The following SHISA6 variants were observed in gnomAD, a reference collection of about 807,000 sequenced individuals.
SHISA6 encodes protein shisa-6.
SHISA6 carries 22 observed loss-of-function variants against 47.9 expected under a neutral mutation model. The observed-to-expected ratio is 0.46, with a 90% CI of 0.33 to 0.66. The LOEUF (loss-of-function observed/expected upper bound fraction) is 0.66. SHISA6 is among the 30% of genes least tolerant of loss of function. The pLI, the probability that SHISA6 is intolerant of heterozygous loss-of-function variation, is 0.02. For synonymous variants in SHISA6, 388 were observed against 337.8 expected (o/e 1.15, Z -1.63); for missense variants, 680 against 764.6 (o/e 0.89, Z 1.30).
intron 3 of SHISA6, among the ~76,000 whole-genome samples, chr17:11,490,954 C>A (rs1916459768): frequency 6.6e-6 from 1 of 152,182 alleles, no homozygotes; most frequent in South Asian, 2.1e-4. Flanking sequence ...ACAGGGCAAG[C>A]ACAGATCTAG....
At chr17:11,439,497 G>C (rs1322057246) in intron 3 of SHISA6, among the ~76,000 whole-genome samples, 1 of 152,052 alleles carries the variant, frequency 6.6e-6, no homozygotes, top group Non-Finnish European at 1.5e-5. Context: ...TAGACTTCTG[G>C]GGGAAAAATG....
At chr17:11,277,268 TCTCTCTCTCTCTCACACACACACACA>T (rs1480579920) in intron 2 of SHISA6, among the ~76,000 whole-genome samples, 4 of 110,920 alleles carry the variant, frequency 3.6e-5, no homozygotes, top group African/African-American at 1.4e-4. Context: ...TCTCTCTCTC[TCTCTCTCTCTCTCACACACACACACA>T]CACACACACA....
At chr17:11,434,743 C>T (rs1597511564) in intron 3 of SHISA6, among the ~76,000 whole-genome samples, 1 of 152,006 alleles carries the variant, frequency 6.6e-6, no homozygotes, top group East Asian at 1.9e-4. Context: ...TGTTTCTGTC[C>T]AACACACTGT....
intron 3 of SHISA6, among the ~76,000 whole-genome samples, chr17:11,416,915 C>T (rs553635956): frequency 9.9e-5 from 15 of 151,846 alleles, no homozygotes; most frequent in Non-Finnish European, 2.2e-4. Context: ...AATCTTCATC[C>T]CAGAGAAATC....
intron 3 of SHISA6, among the ~76,000 whole-genome samples, chr17:11,457,273 A>G (rs919780581): frequency 6.6e-6 from 1 of 152,086 alleles, no homozygotes; most frequent in Non-Finnish European, 1.5e-5. Context: ...CTTCTCCTTT[A>G]CTGTTGATCC....
intron 3 of SHISA6, among the ~76,000 whole-genome samples, chr17:11,474,184 G>GTAGAAGCATTCC (rs2142324429): frequency 6.6e-6 from 1 of 152,176 alleles, no homozygotes; most frequent in African/African-American, 2.4e-5. Context: ...CACCAAGAGT[G>GTAGAAGCATTCC]TAGAAGCATT....
intron 3 of SHISA6, among the ~76,000 whole-genome samples, chr17:11,412,782 G>A (rs528589134): frequency 7.6e-4 from 116 of 152,182 alleles, no homozygotes; most frequent in South Asian, 1.5e-3. Context: ...CTTGTATTCC[G>A]TGCATTCCAC....
rs1371556880 is a variant in SHISA6, at chr17:11,440,819, G to A, written c.895+61310G>A. ...AAATGGAGTTAATAATAGGAGATGT[G>A]GGTATGGCCCCTTGCTACTGCAGAC... On this transcript the variant is annotated intron_variant, in intron 3 of 5. Coordinates refer to ENST00000441885, the MANE Select transcript of SHISA6 (RefSeq NM_207386.4). Among the ~76,000 whole-genome samples, 5 of 151,908 alleles carry A rather than the reference G, an allele frequency of 3.3e-5. No individual in the cohort carries two copies. In the East Asian group the frequency reaches 5.8e-4, roughly 18 times the overall value.
intron 3 of SHISA6, among the ~76,000 whole-genome samples, chr17:11,458,897 A>C (rs1915621763): frequency 6.6e-6 from 1 of 152,122 alleles, no homozygotes; most frequent in Non-Finnish European, 1.5e-5. Flanking sequence ...GAGAATTAAA[A>C]GGAGTTATGG....
chr17:11,248,400 A>G (rs552449454), intron 1 of SHISA6, among the ~76,000 whole-genome samples: 12 of 152,330 alleles, frequency 7.9e-5, no homozygotes, highest in Non-Finnish European at 1.8e-4. Flanking sequence ...CACAGTGCCA[A>G]GGAGCCCAGC....
chr17:11,290,446 G>C (rs186438979), intron 2 of SHISA6: 1 of 151,206 alleles, frequency 6.6e-6, no homozygotes, highest in Non-Finnish European at 1.5e-5. Flanking sequence ...CGCCTCCTGG[G>C]TTCATGCCAT....
intron 3 of SHISA6, among the ~76,000 whole-genome samples, chr17:11,384,246 G>T (rs938855820): frequency 6.6e-6 from 1 of 152,234 alleles, no homozygotes; most frequent in African/African-American, 2.4e-5. Flanking sequence ...AAGCTGCGGA[G>T]CAGCTGAGGT....
intron 3 of SHISA6, among the ~76,000 whole-genome samples, chr17:11,460,844 C>T (rs1915671740): frequency 6.6e-6 from 1 of 152,208 alleles, no homozygotes; most frequent in Non-Finnish European, 1.5e-5. Context: ...CAGGGCCTAG[C>T]TGAGCCTACA....
At chr17:11,461,707 A>G (rs1915696777) in intron 3 of SHISA6, among the ~76,000 whole-genome samples, 2 of 152,238 alleles carry the variant, frequency 1.3e-5, no homozygotes, top group Admixed American at 1.3e-4. Context: ...GGCTGTCTCT[A>G]GTTGTCTGGT....
chr17:11,455,340 C>T (rs1915508104), intron 3 of SHISA6, among the ~76,000 whole-genome samples: 1 of 152,126 alleles, frequency 6.6e-6, no homozygotes, highest in African/African-American at 2.4e-5. Flanking sequence ...AATGAGTCAA[C>T]ATATGCTGAA....
chr17:11,466,034 GTTC>G (rs917119637), intron 3 of SHISA6, among the ~76,000 whole-genome samples: 2 of 152,222 alleles, frequency 1.3e-5, no homozygotes, highest in Non-Finnish European at 2.9e-5. Context: ...GTGGCACCTT[GTTC>G]TTCTAGATTG....
intron 3 of SHISA6, among the ~76,000 whole-genome samples, chr17:11,537,539 C>T (rs1028827990): frequency 1.3e-5 from 2 of 152,098 alleles, no homozygotes; most frequent in African/African-American, 4.8e-5. Context: ...CTTCTTTCCC[C>T]CAACACGCTC....
At chr17:11,293,024 C>T (rs1002256314) in intron 2 of SHISA6, among the ~76,000 whole-genome samples, 1 of 151,976 alleles carries the variant, frequency 6.6e-6, no homozygotes, top group Non-Finnish European at 1.5e-5. Flanking sequence ...GGGGTTTCTC[C>T]ATGTTCATCA....
chr17:11,416,260 A>T (rs1464495958), intron 3 of SHISA6, among the ~76,000 whole-genome samples: 1 of 152,214 alleles, frequency 6.6e-6, no homozygotes, highest in Non-Finnish European at 1.5e-5. Flanking sequence ...TCAAGTAAAT[A>T]TATATAATGT....
Sources: gnomAD v4.1 joint callset for allele counts (sites outside exome capture counted in the v4.1 genomes callset) on GRCh38, gnomAD v4.1.1 for gene constraint, MANE v1.5 for transcripts, NCBI Gene and HGNC (gene_info 2026-07-23, HGNC 2026-07-21) for gene names.